LRBA: variants seen among roughly 807,000 people sequenced by gnomAD.
The protein encoded by LRBA is LPS responsive beige-like anchor protein.
A neutral mutation model predicts 330.0 loss-of-function variants in LRBA; 176 were observed. The ratio of observed to expected loss-of-function variants is 0.53; its 90% CI spans 0.47 to 0.60. The LOEUF (loss-of-function observed/expected upper bound fraction) is 0.60. LRBA is among the 20% of genes least tolerant of loss of function. LRBA has a pLI of 0.00. For synonymous variants in LRBA, 1,230 were observed against 1,193.0 expected (o/e 1.03, Z -0.64); for missense variants, 3,259 against 3,444.8 (o/e 0.95, Z 1.35).
chr4:150,559,635 T>C (rs1183717091), intron 40 of LRBA, among the ~76,000 whole-genome samples: 3 of 71,254 alleles, frequency 4.2e-5, no homozygotes, highest in Non-Finnish European at 5.0e-5. Flanking sequence ...TTATAATATA[T>C]ATTTATATAA....
chr4:150,593,042 C>G (rs1773087226), intron 38 of LRBA, among the ~76,000 whole-genome samples: 1 of 151,920 alleles, frequency 6.6e-6, no homozygotes, highest in Non-Finnish European at 1.5e-5. Context: ...TTTATAGTTC[C>G]TTACTCTAAA....
rs986739070 is a variant in LRBA, at chr4:150,915,695, G to A, written c.927C>T (p.Asn309=). 4 of 1,612,248 alleles carry A rather than the reference G, an allele frequency of 2.5e-6. No homozygotes were observed. In the Admixed American group the frequency reaches 5.0e-5, roughly 20 times the overall value. ...ATCGAAGTTCACTATTCTTCCATCG[G>A]TTATAGATGTGTACTATGGTAACCA... is the stretch of plus-strand genomic sequence containing the variant. ...WYMVTIVHIY[N]RWKNSELRCY... is the part of the protein sequence containing the mutation. The change falls in exon 8 of 57, where the codon AAC becomes AAT. Residue 309 remains asparagine (N), a synonymous_variant. Transcript: ENST00000651943.
intron 42 of LRBA, among the ~76,000 whole-genome samples, chr4:150,478,964 A>G (rs903067087): frequency 6.6e-6 from 1 of 152,146 alleles, no homozygotes; most frequent in Non-Finnish European, 1.5e-5. Context: ...GTAAGTGAAA[A>G]TCTATTTAAG....
At chr4:151,012,269 C>A (rs2149677915) in intron 2 of LRBA, among the ~76,000 whole-genome samples, 1 of 152,284 alleles carries the variant, frequency 6.6e-6, no homozygotes, top group South Asian at 2.1e-4. Flanking sequence ...GCAAATGCTG[C>A]TATAGAATTT....
chr4:150,779,763 T>C (rs908623059), intron 34 of LRBA, among the ~76,000 whole-genome samples: 1 of 152,170 alleles, frequency 6.6e-6, no homozygotes, highest in Non-Finnish European at 1.5e-5. Flanking sequence ...CACATATATG[T>C]TGGTTTCTGA....
At chr4:150,724,068 T>G (rs1443473364) in intron 36 of LRBA, among the ~76,000 whole-genome samples, 1 of 152,208 alleles carries the variant, frequency 6.6e-6, no homozygotes, top group Admixed American at 6.5e-5. Context: ...ATTGCTAAGC[T>G]GTTTAACTCC....
intron 37 of LRBA, among the ~76,000 whole-genome samples, chr4:150,601,284 T>C (rs187601436): frequency 1.8e-4 from 27 of 152,284 alleles, no homozygotes; most frequent in Admixed American, 1.7e-3. Flanking sequence ...TTATAAGAGA[T>C]GTTAAGCTGC....
intron 34 of LRBA, among the ~76,000 whole-genome samples, chr4:150,774,579 C>T (rs563106473): frequency 6.6e-6 from 1 of 152,354 alleles, no homozygotes; most frequent in South Asian, 2.1e-4. Context: ...GCTCTGACTA[C>T]TGAGTGAACG....
chr4:150,392,381 G>A (rs934800541), intron 47 of LRBA, among the ~76,000 whole-genome samples: 2 of 152,160 alleles, frequency 1.3e-5, no homozygotes, highest in East Asian at 1.9e-4. Flanking sequence ...GGGGGAAAGA[G>A]AGAGCAGAGT....
At chr4:150,985,151 C>T (rs375060358) in intron 2 of LRBA, among the ~76,000 whole-genome samples, 7 of 150,932 alleles carry the variant, frequency 4.6e-5, no homozygotes, top group African/African-American at 1.7e-4. Flanking sequence ...CCCAGCTACT[C>T]GAGAAGCTGA....
At position 150,893,200 on chromosome 4, in the gene LRBA, G is replaced by T. The variant is rs1196390263; in HGVS notation, c.2068-51C>A. On this transcript the variant is annotated intron_variant, in intron 16 of 56. Transcript: ENST00000651943. ...TAAAAAATGAGGAAAAAACAACTTA[G>T]TTGAATAATGAATACTTCTGAAATA... 4.3e-6 allele frequency: 4 copies of T among 927,782 alleles called. No homozygotes were observed. The South Asian group carries it at 4.4e-5, about 10-fold the overall frequency. The allele number at this position is 927,782 out of a possible 1,614,324, so 57.5% of individuals were successfully genotyped here.
chr4:150,751,758 C>A (rs1733586454), intron 35 of LRBA, among the ~76,000 whole-genome samples: 1 of 152,082 alleles, frequency 6.6e-6, no homozygotes, highest in South Asian at 2.1e-4. Context: ...AGGAAACAAA[C>A]AGCCCTATCA....
chr4:150,812,859 T>TATA (rs1484720527), intron 31 of LRBA, among the ~76,000 whole-genome samples: 3 of 152,152 alleles, frequency 2.0e-5, no homozygotes, highest in Non-Finnish European at 4.4e-5. Flanking sequence ...TGCTTTGCAA[T>TATA]ATAGAGAAAC....
At chr4:150,843,929 T>C (rs1749469088) in intron 28 of LRBA, among the ~76,000 whole-genome samples, 171 bp downstream of exon 28, 1 of 152,194 alleles carries the variant, frequency 6.6e-6, no homozygotes, top group African/African-American at 2.4e-5. Flanking sequence ...ATATAAACTA[T>C]CTTTTCTAAT....
intron 54 of LRBA, among the ~76,000 whole-genome samples, chr4:150,283,910 CACAG>C (rs953221959): frequency 2.0e-5 from 3 of 152,226 alleles, no homozygotes; most frequent in Admixed American, 6.5e-5. Flanking sequence ...TCAGTTCCCA[CACAG>C]ACAGCAAACT....
chr4:151,007,787 G>A (rs983979586), intron 2 of LRBA, among the ~76,000 whole-genome samples: 1 of 150,642 alleles, frequency 6.6e-6, no homozygotes, highest in African/African-American at 2.4e-5. Context: ...AACCAAAGAG[G>A]CGGAGCTTGC....
chr4:150,770,154 C>T (rs541909378), intron 34 of LRBA, among the ~76,000 whole-genome samples: 1 of 152,274 alleles, frequency 6.6e-6, no homozygotes, highest in East Asian at 1.9e-4. Flanking sequence ...TTGGGAAAGA[C>T]ATCCTCTTCA....
intron 35 of LRBA, among the ~76,000 whole-genome samples, chr4:150,742,150 A>ATAT (rs1560756879): frequency 8.3e-5 from 12 of 145,210 alleles, no homozygotes; most frequent in African/African-American, 3.1e-4. Context: ...TATTATTATT[A>ATAT]TTTTTTTTTT....
chr4:150,454,157 T>C (rs1025123001), intron 44 of LRBA, among the ~76,000 whole-genome samples: 17 of 152,088 alleles, frequency 1.1e-4, no homozygotes, highest in African/African-American at 3.6e-4. Flanking sequence ...GACAGGGTTT[T>C]ACCATGTTGG....
Sources: gnomAD v4.1 joint callset for allele counts (sites outside exome capture counted in the v4.1 genomes callset) on GRCh38, gnomAD v4.1.1 for gene constraint, MANE v1.5 for transcripts, NCBI Gene and HGNC (gene_info 2026-07-23, HGNC 2026-07-21) for gene names.